PARVG: variants seen among roughly 807,000 people sequenced by gnomAD.
The protein encoded by PARVG is gamma-parvin.
A neutral mutation model predicts 44.4 loss-of-function variants in PARVG; 36 were observed. The observed-to-expected ratio is 0.81, with a 90% CI of 0.62 to 1.07. The LOEUF (loss-of-function observed/expected upper bound fraction) is 1.07. PARVG is among the 50% of genes least tolerant of loss of function. PARVG has a pLI of 0.00. For missense variants in PARVG, 407 were observed against 407.4 expected, an observed-to-expected ratio of 1.00 and a Z score of 0.01; for synonymous variants, 170 against 174.1, an observed-to-expected ratio of 0.98 and a Z score of 0.19.
At chr22:44,204,732 CCGGGCTGGGATG>C (rs1193152947) in intron 12 of PARVG, among the ~76,000 whole-genome samples, 1 of 152,230 alleles carries the variant, frequency 6.6e-6, no homozygotes, top group African/African-American at 2.4e-5. Flanking sequence ...CAGCTGACCC[CCGGGCTGGGATG>C]TCCACCCCGT....
intron 12 of PARVG, among the ~76,000 whole-genome samples, chr22:44,203,015 C>T (rs924781157): frequency 3.9e-5 from 6 of 152,162 alleles, no homozygotes; most frequent in African/African-American, 9.7e-5. Flanking sequence ...TCAAGCCACA[C>T]GCGGAAGAAA....
intron 7 of PARVG, among the ~76,000 whole-genome samples, chr22:44,191,032 G>A (rs574844895): frequency 1.3e-3 from 193 of 152,330 alleles, no homozygotes; most frequent in African/African-American, 4.5e-3. Context: ...CACGCCCTGA[G>A]CAAAACCAAT....
In PARVG at chr22:44,180,981, C is replaced by G; in HGVS notation, c.-393C>G. 1 of 985,368 alleles carries G rather than the reference C, an allele frequency of 1.0e-6. No individual in the cohort carries two copies. The highest frequency in any genetic ancestry group is 1.2e-6 in the Non-Finnish European group (1 of 829,908). The allele number at this position is 985,368 out of a possible 1,614,324, so 61.0% of individuals were successfully genotyped here. Reference sequence around the variant, plus strand: ...TTCTCTATCTACTGTGCTGAGATCTCTCCTTCTCGAACCCTGCTATGCCTT... The same window carrying G: ...TTCTCTATCTACTGTGCTGAGATCTGTCCTTCTCGAACCCTGCTATGCCTT... On this transcript the variant is annotated 5_prime_UTR_variant, in exon 1 of 14. Coordinates refer to ENST00000444313, the MANE Select transcript of PARVG (RefSeq NM_022141.7).
upstream of PARVG, among the ~76,000 whole-genome samples, chr22:44,180,567 C>T (rs1355210582): frequency 1.3e-5 from 2 of 152,176 alleles, no homozygotes; most frequent in Admixed American, 1.3e-4. Context: ...CAGTCTAGCA[C>T]GGGCACTTCA....
chr22:44,191,950 C>T (rs1476478792), intron 7 of PARVG, 99 bp from the exon 8 acceptor site: 3 of 1,355,766 alleles, frequency 2.2e-6, no homozygotes, highest in African/African-American at 2.9e-5. Flanking sequence ...CAGAGGCTGT[C>T]CTGAGGAGGG....
chr22:44,200,069 G>A (rs535183485), intron 12 of PARVG, among the ~76,000 whole-genome samples: 1 of 152,292 alleles, frequency 6.6e-6, no homozygotes, highest in East Asian at 1.9e-4. Flanking sequence ...ACAGCCTTCA[G>A]TGCCCGCTGG....
intron 4 of PARVG, chr22:44,186,930 G>T: frequency 3.1e-6 from 1 of 318,214 alleles, no homozygotes; most frequent in Non-Finnish European, 6.3e-6. Flanking sequence ...AACCTTTAGT[G>T]AACAGCTGCT....
intron 12 of PARVG, among the ~76,000 whole-genome samples, chr22:44,201,543 G>A (rs1042219405): frequency 1.3e-5 from 2 of 152,208 alleles, no homozygotes; most frequent in Admixed American, 6.5e-5. Flanking sequence ...CAACGAGGCC[G>A]GGGCAGTCAG....
At chr22:44,176,196 T>C (rs139111), upstream of PARVG, among the ~76,000 whole-genome samples, 34,127 of 152,104 alleles carry the variant, frequency 0.22, 4,690 homozygotes, top group Admixed American at 0.39. Flanking sequence ...CCCTGGAGGA[T>C]ACCAAAATCT....
rs191173087 is a variant in PARVG, at chr22:44,189,575, C to T, written c.388+321C>T. 1.2e-4 allele frequency among the ~76,000 whole-genome samples: 18 copies of T among 152,344 alleles called. No individual in the cohort carries two copies. In the East Asian group the frequency reaches 3.1e-3, roughly 26 times the overall value. On this transcript the variant is annotated intron_variant, in intron 6 of 13. Transcript: ENST00000444313. ...ACCGTGGTCCGCCCATCCACACTCT[C>T]ATTTCATTAAAGTATTGGAATATCT...
chr22:44,205,100 C>A (rs976336259), intron 12 of PARVG, among the ~76,000 whole-genome samples: 8 of 152,150 alleles, frequency 5.3e-5, no homozygotes, highest in African/African-American at 1.9e-4. Flanking sequence ...CGCTCTCCAC[C>A]CTAAAGGGAG....
At chr22:44,196,523 A>G in intron 11 of PARVG, 108 bp downstream of exon 11, 1 of 1,350,898 alleles carries the variant, frequency 7.4e-7, no homozygotes, top group Non-Finnish European at 1.0e-6. Flanking sequence ...GGGTTGCATC[A>G]CCTCTTGGAG....
intron 12 of PARVG, among the ~76,000 whole-genome samples, chr22:44,201,572 T>C (rs894800690): frequency 2.6e-5 from 4 of 152,102 alleles, no homozygotes; most frequent in Non-Finnish European, 4.4e-5. Flanking sequence ...GTCCTGGTGG[T>C]TGTGGCAGGC....
intron 12 of PARVG, among the ~76,000 whole-genome samples, chr22:44,199,695 G>A (rs1233305780): frequency 6.6e-6 from 1 of 152,204 alleles, no homozygotes; most frequent in Admixed American, 6.5e-5. Context: ...GAAGGGCATT[G>A]CATCAGAGGG....
intron 12 of PARVG, among the ~76,000 whole-genome samples, chr22:44,202,810 T>C (rs540885817): frequency 6.6e-6 from 1 of 152,302 alleles, no homozygotes; most frequent in African/African-American, 2.4e-5. Context: ...TTATGTGAGA[T>C]AGTTATTCAT....
intron 9 of PARVG, among the ~76,000 whole-genome samples, chr22:44,194,676 A>C (rs552010129): frequency 6.6e-6 from 1 of 151,162 alleles, no homozygotes; most frequent in East Asian, 2.0e-4. Context: ...CTATCCATCC[A>C]TCCATCCATC....
At chr22:44,192,586 T>TG (rs747324653) in intron 8 of PARVG, among the ~76,000 whole-genome samples, 2 of 151,574 alleles carry the variant, frequency 1.3e-5, no homozygotes, top group African/African-American at 2.4e-5. Flanking sequence ...CCCTGCCCAC[T>TG]GGGGCATGGC....
rs1387714490 is a variant in PARVG, at chr22:44,182,974, G to C, written c.-12-344G>C. On this transcript the variant is annotated intron_variant, in intron 2 of 13. Coordinates refer to ENST00000444313, the MANE Select transcript of PARVG (RefSeq NM_022141.7). The surrounding 1 kb of genome is among the most constrained non-coding windows in gnomAD (Gnocchi z 4.6). Reference sequence around the variant, plus strand: ...GAGCTGTACCTACTTTGTCCTGTCTGGGATAGGGTGGGGGGTCCCTGGGTA... The same window carrying C: ...GAGCTGTACCTACTTTGTCCTGTCTCGGATAGGGTGGGGGGTCCCTGGGTA... 3.2e-6 allele frequency: 1 copy of C among 311,004 alleles called. No homozygotes were observed. Among genetic ancestry groups the C allele is most frequent in the African/African-American group, 2.3e-5 (1 of 44,020 alleles). The allele number at this position is 311,004 out of a possible 1,614,324, so 19.3% of individuals were successfully genotyped here. A position where few individuals can be genotyped will look rare whatever the true frequency, so the allele number is the denominator to read the frequency against.
At chr22:44,174,953 C>T (rs2054305162) in intron 1 of PARVG, among the ~76,000 whole-genome samples, 3 of 151,416 alleles carry the variant, frequency 2.0e-5, no homozygotes, top group Admixed American at 2.0e-4. Flanking sequence ...GAAACCCTAT[C>T]TCTACTAAAT....
Sources: allele counts gnomAD v4.1 joint callset (sites outside exome capture counted in the v4.1 genomes callset), GRCh38; gene constraint gnomAD v4.1.1; non-coding constraint Gnocchi (gnomAD v3.1); transcripts MANE v1.5; gene names NCBI Gene and HGNC (gene_info 2026-07-23, HGNC 2026-07-21).